The following MBNL2 variants were observed in gnomAD, a reference collection of about 807,000 sequenced individuals.
MBNL2 encodes muscleblind-like protein 2.
MBNL2 carries 17 observed loss-of-function variants against 41.9 expected under a neutral mutation model. The ratio of observed to expected loss-of-function variants is 0.41; its 90% CI spans 0.28 to 0.61. MBNL2 has a LOEUF of 0.61. Ranked by LOEUF, MBNL2 falls within the 20% of genes least tolerant of loss-of-function variation. MBNL2 has a pLI of 0.35. For synonymous variants in MBNL2, 195 were observed against 182.9 expected, an observed-to-expected ratio of 1.07 and a Z score of -0.53; for missense variants, 336 against 505.6, an observed-to-expected ratio of 0.66 and a Z score of 3.22.
In MBNL2 at chr13:97,393,622, A is replaced by C. The variant is rs975914616; in HGVS notation, c.*2173A>C. Reference sequence around the variant, plus strand: ...AGGCAAGGCAAATGCATAGATGTACAAATATATGTACAACAGATTTTGCTT... The same window carrying C: ...AGGCAAGGCAAATGCATAGATGTACCAATATATGTACAACAGATTTTGCTT... On this transcript the variant is annotated 3_prime_UTR_variant, in exon 9 of 9. Coordinates refer to ENST00000679496, the MANE Select transcript of MBNL2 (RefSeq NM_001382683.1). The C allele has an allele frequency of 1.3e-5, 2 of 152,546 alleles. No individual in the cohort carries two copies. Among genetic ancestry groups the C allele is most frequent in the African/African-American group, 4.8e-5 (2 of 41,456 alleles). The allele number at this position is 152,546 out of a possible 1,614,324, so 9.4% of individuals were successfully genotyped here. A position where few individuals can be genotyped will look rare whatever the true frequency, so the allele number is the denominator to read the frequency against.
chr13:97,261,088 C>T (rs1338619931), intron 1 of MBNL2, among the ~76,000 whole-genome samples: 1 of 145,036 alleles, frequency 6.9e-6, no homozygotes, highest in East Asian at 1.9e-4. Flanking sequence ...TTTTCTTCTC[C>T]TTGATACCTG....
At chr13:97,235,028 C>T (rs987268326) in intron 1 of MBNL2, among the ~76,000 whole-genome samples, 5 of 152,164 alleles carry the variant, frequency 3.3e-5, no homozygotes, top group African/African-American at 4.8e-5. Flanking sequence ...CCCTCAGTTC[C>T]GCCCAGGCCT....
intron 2 of MBNL2, among the ~76,000 whole-genome samples, chr13:97,286,870 A>G (rs541769327): frequency 1.3e-5 from 2 of 152,296 alleles, no homozygotes; most frequent in African/African-American, 2.4e-5. Flanking sequence ...CTGTCTATCT[A>G]CTGTGTCTCT....
intron 7 of MBNL2, among the ~76,000 whole-genome samples, chr13:97,360,231 G>C (rs2063294360): frequency 6.6e-6 from 1 of 152,140 alleles, no homozygotes; most frequent in Non-Finnish European, 1.5e-5. Context: ...TAAAGCTTTT[G>C]ATATGATACT....
chr13:97,236,241 T>A lies in MBNL2; in HGVS notation c.-605+13710T>A, dbSNP rs200552703. 2.0e-5 allele frequency among the ~76,000 whole-genome samples: 3 copies of A among 152,190 alleles called. No homozygotes were observed. The East Asian group carries it at 5.8e-4, about 29-fold the overall frequency. On this transcript the variant is annotated intron_variant, in intron 1 of 8. Transcript: ENST00000679496. Reference sequence around the variant, plus strand: ...ATTACTCCCTCACACACACTTTATTTTCCCCCTGCTTTGAAGTGACAGTTG... The same window carrying A: ...ATTACTCCCTCACACACACTTTATTATCCCCCTGCTTTGAAGTGACAGTTG...
chr13:97,390,259 A>ATAAAG, intron 8 of MBNL2, among the ~76,000 whole-genome samples: 1 of 152,356 alleles, frequency 6.6e-6, no homozygotes, highest in East Asian at 1.9e-4. Flanking sequence ...ATTGTTGCAT[A>ATAAAG]TAAAGTACAG....
intron 3 of MBNL2, among the ~76,000 whole-genome samples, chr13:97,336,084 C>T (rs1566424782): frequency 6.6e-6 from 1 of 152,122 alleles, no homozygotes; most frequent in African/African-American, 2.4e-5. Context: ...CACTGGTGGC[C>T]GTGTTAACGA....
intron 2 of MBNL2, among the ~76,000 whole-genome samples, chr13:97,299,943 G>T (rs908773457): frequency 2.0e-5 from 3 of 152,130 alleles, no homozygotes; most frequent in African/African-American, 7.2e-5. Flanking sequence ...GCTTACTCTT[G>T]TCTCATCACA....
Position 97,346,822 on chromosome 13 carries a change from C to A in MBNL2, c.559C>A (p.Arg187=). ...DKLEVCREFQ[R]GNCARGETDC... ...GTCTTAGGTATGCAGGGAGTTCCAG[C>A]GAGGAAACTGTGCCCGGGGAGAGAC... is the stretch of plus-strand genomic sequence containing the variant. The change falls in exon 5 of 9, where the codon CGA becomes AGA. Residue 187 remains arginine, a synonymous_variant. Transcript: ENST00000679496. This position sits in a 1 kb window ranked among gnomAD's most constrained non-coding sequence, Gnocchi z 4.2. The A allele has an allele frequency of 1.2e-6, 2 of 1,613,882 alleles. No homozygotes were observed. Among genetic ancestry groups the A allele is most frequent in the Non-Finnish European group, 1.7e-6 (2 of 1,179,830 alleles).
intron 2 of MBNL2, among the ~76,000 whole-genome samples, chr13:97,320,950 C>G (rs546875248): frequency 2.6e-5 from 4 of 152,218 alleles, no homozygotes; most frequent in Admixed American, 6.5e-5. Flanking sequence ...CCCTGTGTCT[C>G]TTTCACATCG....
At chr13:97,361,155 A>AGCTATTCGAGAGTGAAG (rs2063359648) in intron 7 of MBNL2, among the ~76,000 whole-genome samples, 1 of 152,204 alleles carries the variant, frequency 6.6e-6, no homozygotes, top group East Asian at 1.9e-4. Flanking sequence ...GTCTGGGCAA[A>AGCTATTCGAGAGTGAAG]GCTATTCGAG....
intron 1 of MBNL2, among the ~76,000 whole-genome samples, chr13:97,223,356 G>A (rs539923125): frequency 1.1e-3 from 172 of 152,332 alleles, no homozygotes; most frequent in African/African-American, 3.8e-3. Flanking sequence ...AAATGATGGA[G>A]AAGATTTATT....
chr13:97,242,753 GACTT>G (rs2044555357), intron 1 of MBNL2, among the ~76,000 whole-genome samples: 2 of 151,736 alleles, frequency 1.3e-5, no homozygotes, highest in Non-Finnish European at 1.5e-5. Context: ...GAATAAGCAG[GACTT>G]ACTTGTTCCT....
At chr13:97,174,722 C>A in the MBNL2 span, among the ~76,000 whole-genome samples, 28 of 152,204 alleles carry the variant, frequency 1.8e-4, no homozygotes, top group East Asian at 5.4e-3. Context: ...CACTTCAATG[C>A]CAATTAATGA....
chr13:97,235,135 A>G (rs1184069461), intron 1 of MBNL2, among the ~76,000 whole-genome samples: 1 of 152,156 alleles, frequency 6.6e-6, no homozygotes, highest in Non-Finnish European at 1.5e-5. Context: ...GAAGGCCCAG[A>G]GCTTGATCTG....
chr13:97,223,161 G>A lies in MBNL2; in HGVS notation c.-605+630G>A, dbSNP rs568744729. ...CTGAGCCTTTGTTTCCAGCTTAAAA[G>A]TGGAACCATTATATTCAAAAGTAAA... On this transcript the variant is annotated intron_variant, in intron 1 of 8. Coordinates refer to ENST00000679496, the MANE Select transcript of MBNL2 (RefSeq NM_001382683.1). Among the ~76,000 whole-genome samples the A allele has an allele frequency of 1.5e-4, 23 of 152,302 alleles. No homozygotes were observed. The South Asian group carries it at 3.3e-3, about 22-fold the overall frequency.
chr13:97,147,710 T>C, the MBNL2 span, among the ~76,000 whole-genome samples: 2 of 152,300 alleles, frequency 1.3e-5, no homozygotes, highest in African/African-American at 4.8e-5. Context: ...CCAGGAAGGA[T>C]GGCATTGAGC....
intron 1 of MBNL2, among the ~76,000 whole-genome samples, chr13:97,234,022 G>T (rs1404063697): frequency 1.3e-5 from 2 of 152,174 alleles, no homozygotes; most frequent in Non-Finnish European, 2.9e-5. Context: ...AAGTGGGAAG[G>T]CATCTGAGGG....
At chr13:97,200,853 T>C in the MBNL2 span, among the ~76,000 whole-genome samples, 1 of 152,220 alleles carries the variant, frequency 6.6e-6, no homozygotes, top group Non-Finnish European at 1.5e-5. Context: ...GGAGGTAGAC[T>C]GAGTGACTTT....
Sources: allele counts gnomAD v4.1 joint callset (sites outside exome capture counted in the v4.1 genomes callset), GRCh38; gene constraint gnomAD v4.1.1; non-coding constraint Gnocchi (gnomAD v3.1); transcripts MANE v1.5; gene names NCBI Gene and HGNC (gene_info 2026-07-23, HGNC 2026-07-21).